TMEM30A: variants seen among roughly 807,000 people sequenced by gnomAD.
The protein encoded by TMEM30A is cell cycle control protein 50A.
A neutral mutation model predicts 38.2 loss-of-function variants in TMEM30A; 24 were observed. The observed-to-expected ratio is 0.63, with a 90% CI of 0.46 to 0.88. The LOEUF is 0.88. Among genes scored for constraint, TMEM30A ranks in the 40% least tolerant of loss-of-function variants. The pLI, the probability that TMEM30A is intolerant of heterozygous loss-of-function variation, is 0.00. For missense variants in TMEM30A, 370 were observed against 458.6 expected (o/e 0.81, Z 1.77); for synonymous variants, 145 against 161.6 (o/e 0.90, Z 0.78).
rs1191357431 is a variant in TMEM30A at position 75,284,614 on chromosome 6, C to T, written c.25G>A (p.Asp9Asn). The T allele has an allele frequency of 1.2e-6, 2 of 1,613,760 alleles. No individual in the cohort carries two copies. The highest frequency in any genetic ancestry group is 2.2e-5 in the East Asian group (1 of 44,854). Residue 9 changes from aspartate (D) to asparagine (N), a missense_variant, in exon 1 of 7, where the codon GAT becomes AAT. Transcript: ENST00000230461. MAMNYNAK[D>N]EVDGGPPCAP... is the part of the protein sequence containing the mutation. Reference sequence around the variant, plus strand: ...CACGGGGGCCCACCGTCCACTTCATCCTTCGCGTTATAGTTCATCGCCATC... The same window carrying T: ...CACGGGGGCCCACCGTCCACTTCATTCTTCGCGTTATAGTTCATCGCCATC...
intron 3 of TMEM30A, among the ~76,000 whole-genome samples, chr6:75,262,453 C>A (rs1275023064): frequency 6.6e-6 from 1 of 151,648 alleles, no homozygotes; most frequent in African/African-American, 2.4e-5. Context: ...GACCAGCCTG[C>A]CTAAGATGGT....
intron 1 of TMEM30A, among the ~76,000 whole-genome samples, chr6:75,268,959 A>T (rs1302694266): frequency 6.6e-6 from 1 of 152,182 alleles, no homozygotes; most frequent in Admixed American, 6.5e-5. Flanking sequence ...CCTGATCGCT[A>T]AATTGAAAGG....
At chr6:75,258,392 G>A (rs985679618) in intron 6 of TMEM30A, among the ~76,000 whole-genome samples, 11 of 152,012 alleles carry the variant, frequency 7.2e-5, no homozygotes, top group Admixed American at 2.0e-4. Flanking sequence ...TAACACATCC[G>A]TTGATTTTTA....
rs1772045223 is a variant in TMEM30A, at chr6:75,265,090, C to A, written c.453+141G>T. ...CCAGCCTGGGCGACAAAGTGAGACTCCATCTCGGGGGGAAAAAAATCCTCA... is the reference window on the plus strand; with the variant it reads ...CCAGCCTGGGCGACAAAGTGAGACTACATCTCGGGGGGAAAAAAATCCTCA... On this transcript the variant is annotated intron_variant, in intron 3 of 6. Coordinates refer to ENST00000230461, the MANE Select transcript of TMEM30A (RefSeq NM_018247.4). 6.1e-6 allele frequency: 3 copies of A among 494,554 alleles called. No homozygotes were observed. The African/African-American group carries it at 6.1e-5, about 10-fold the overall frequency. 30.6% of individuals were successfully genotyped at this position (494,554 alleles called of 1,614,324 possible). A position where few individuals can be genotyped will look rare whatever the true frequency, so the allele number is the denominator to read the frequency against.
intron 3 of TMEM30A, among the ~76,000 whole-genome samples, chr6:75,262,156 G>T (rs2149519492): frequency 6.6e-6 from 1 of 152,094 alleles, no homozygotes; most frequent in East Asian, 1.9e-4. Flanking sequence ...AGATAAGCCT[G>T]GGCAACATGG....
intron 1 of TMEM30A, among the ~76,000 whole-genome samples, chr6:75,268,515 AC>A (rs1184083037): frequency 6.6e-6 from 1 of 152,222 alleles, no homozygotes; most frequent in Non-Finnish European, 1.5e-5. Flanking sequence ...GAAGTGAAGG[AC>A]AGCTTTCTGG....
intron 2 of TMEM30A, among the ~76,000 whole-genome samples, chr6:75,266,340 A>G (rs374041025): frequency 1.3e-5 from 2 of 152,348 alleles, no homozygotes; most frequent in South Asian, 2.1e-4. Flanking sequence ...AAATGTTTAC[A>G]TGGAAACCTT....
intron 1 of TMEM30A, among the ~76,000 whole-genome samples, chr6:75,274,750 G>A (rs573324588): frequency 3.3e-5 from 5 of 151,960 alleles, no homozygotes; most frequent in African/African-American, 4.8e-5. Context: ...CAGGCCGGGC[G>A]CGGTGGCTCA....
Position 75,284,692 on chromosome 6 carries a change from C to T in TMEM30A, c.-54G>A. 6.3e-7 allele frequency: 1 copy of T among 1,581,000 alleles called. No individual in the cohort carries two copies. The highest frequency in any genetic ancestry group is 8.6e-7 in the Non-Finnish European group (1 of 1,157,662). On this transcript the variant is annotated 5_prime_UTR_variant, in exon 1 of 7. Coordinates refer to ENST00000230461, the MANE Select transcript of TMEM30A (RefSeq NM_018247.4). ...GCAGGTGGACCACCCAGGGGGCCCG[C>T]CGGCTGACCCTGACAGGAACCGCTC...
chr6:75,271,298 A>G (rs891504654), intron 1 of TMEM30A, among the ~76,000 whole-genome samples: 17 of 152,176 alleles, frequency 1.1e-4, no homozygotes, highest in African/African-American at 4.1e-4. Flanking sequence ...AAATCTAATA[A>G]ATTATGCTAC....
At chr6:75,261,981 G>C (rs1329963322) in intron 3 of TMEM30A, among the ~76,000 whole-genome samples, 2 of 152,164 alleles carry the variant, frequency 1.3e-5, no homozygotes, top group African/African-American at 4.8e-5. Context: ...AAGGAAAATA[G>C]TATTTACTAT....
At chr6:75,276,355 G>A (rs892357451) in intron 1 of TMEM30A, among the ~76,000 whole-genome samples, 1 of 152,174 alleles carries the variant, frequency 6.6e-6, no homozygotes, top group Non-Finnish European at 1.5e-5. Flanking sequence ...TAGCAATTTG[G>A]CCAGAAGTAC....
intron 3 of TMEM30A, among the ~76,000 whole-genome samples, chr6:75,262,221 C>A (rs935206624): frequency 2.0e-5 from 3 of 152,074 alleles, no homozygotes; most frequent in Non-Finnish European, 4.4e-5. Context: ...GTGGCGTGCA[C>A]CTTTAGTCCC....
intron 1 of TMEM30A, among the ~76,000 whole-genome samples, chr6:75,274,676 G>A (rs1772229987): frequency 1.3e-5 from 2 of 152,166 alleles, no homozygotes; most frequent in Admixed American, 1.3e-4. Flanking sequence ...CCCTATGGAT[G>A]GTGATGCCAC....
In TMEM30A at chr6:75,258,800, T is replaced by C; in HGVS notation, c.872A>G (p.Tyr291Cys). The C allele has an allele frequency of 6.2e-7, 1 of 1,613,682 alleles. No homozygotes were observed. Among genetic ancestry groups the C allele is most frequent in the Non-Finnish European group, 8.5e-7 (1 of 1,179,776 alleles). ...GATACTGTATGTGACATTCAAAGAG[T>C]ATCGGCCAGCTGGTAATGTTGGATG... The part of the protein sequence containing the change: ...DLHPTLPAGR[Y>C]SLNVTYNYPV... Residue 291 changes from tyrosine (Y) to cysteine (C), a missense_variant, in exon 6 of 7, where the codon TAC (tyrosine) becomes TGC (cysteine). Transcript: ENST00000230461.
In TMEM30A at chr6:75,259,447, TATAGG is replaced by T; in HGVS notation, c.580_584del (p.Pro194ThrfsTer15). On this transcript the variant is annotated frameshift_variant, in exon 5 of 7. Transcript: ENST00000230461. LOFTEE classifies it high-confidence loss of function. ...TACCTTTCTTTTTCAAAGCGATAGG[TATAGG>T]ATAAGAATCATTGCCAATGAGAAAC... 1 of 1,611,420 alleles carries T rather than the reference TATAGG, an allele frequency of 6.2e-7. No homozygotes were observed. The highest frequency in any genetic ancestry group is 8.5e-7 in the Non-Finnish European group (1 of 1,179,028).
At position 75,258,887 on chromosome 6, in the gene TMEM30A, C is replaced by T. The variant is rs2149518430; in HGVS notation, c.785G>A (p.Arg262His). ...GCGAAAAGTAGGTAATGCTGCAGTA[C>T]GCATCCAAACAATAAAATCCTCATT... Reference protein sequence around the residue: ...FINEDFIVWMRTAALPTFRKL... With the variant: ...FINEDFIVWMHTAALPTFRKL... The change falls in exon 6 of 7, where the codon CGT (arginine) becomes CAT (histidine). Residue 262 changes from arginine to histidine, a missense_variant. By Grantham distance (29) the Arg-to-His change is conservative. Transcript: ENST00000230461. The T allele has an allele frequency of 1.2e-6, 2 of 1,613,864 alleles. No individual in the cohort carries two copies. The highest frequency in any genetic ancestry group is 1.7e-6 in the Non-Finnish European group (2 of 1,179,894).
rs1044869898 is a variant in TMEM30A at position 75,254,307 on chromosome 6, C to T, written c.*1795G>A. 1.3e-5 allele frequency: 2 copies of T among 152,072 alleles called. No individual in the cohort carries two copies. Among genetic ancestry groups the T allele is most frequent in the Middle Eastern group, 6.8e-3 (2 of 294 alleles). 9.4% of individuals were successfully genotyped at this position (152,072 alleles called of 1,614,324 possible). ...CTCAATCTGGAAAGAGTGGCAGAAACCCCTCTCCCCCAACAATGTATCCCC... is the reference window on the plus strand; with the variant it reads ...CTCAATCTGGAAAGAGTGGCAGAAATCCCTCTCCCCCAACAATGTATCCCC... On this transcript the variant is annotated 3_prime_UTR_variant, in exon 7 of 7. Coordinates refer to ENST00000230461, the MANE Select transcript of TMEM30A (RefSeq NM_018247.4).
intron 3 of TMEM30A, among the ~76,000 whole-genome samples, chr6:75,264,768 A>G (rs1401556770): frequency 6.6e-6 from 1 of 152,188 alleles, no homozygotes; most frequent in Admixed American, 6.5e-5. Context: ...GCATCAATGC[A>G]TCTGTGTGAA....
Sources: allele counts gnomAD v4.1 joint callset (sites outside exome capture counted in the v4.1 genomes callset), GRCh38; gene constraint gnomAD v4.1.1; transcripts MANE v1.5; gene names NCBI Gene and HGNC (gene_info 2026-07-23, HGNC 2026-07-21).